The following CRCP variants were observed in gnomAD, a reference collection of about 807,000 sequenced individuals.
The protein encoded by CRCP is DNA-directed RNA polymerase III subunit RPC9.
In CRCP, 18 loss-of-function variants were observed where a neutral mutation model predicts 18.5. That is an observed-to-expected ratio of 0.97 (90% CI 0.67 to 1.44). CRCP has a LOEUF of 1.44. Ranked by LOEUF, CRCP falls within the 40% of genes most tolerant of loss-of-function variation. CRCP has a pLI of 0.00. For synonymous variants in CRCP, 53 were observed against 62.9 expected (o/e 0.84, Z 0.75); for missense variants, 130 against 176.4 (o/e 0.74, Z 1.49).
At chr7:66,124,551 T>C (rs1051932097) in intron 1 of CRCP, among the ~76,000 whole-genome samples, 1 of 147,092 alleles carries the variant, frequency 6.8e-6, no homozygotes, top group Non-Finnish European at 1.5e-5. Context: ...TTCCTTCCTT[T>C]CTTTCTTCCT....
Position 66,152,856 on chromosome 7 carries a change from TAAGAA to T in CRCP, c.*505_*509del, listed in dbSNP as rs1788516195. On this transcript the variant is annotated 3_prime_UTR_variant, in exon 6 of 6. Coordinates refer to ENST00000395326, the MANE Select transcript of CRCP (RefSeq NM_014478.5). ...GGAATTTCCTCGAGAACAACAGAGA[TAAGAA>T]AAGAACCGGCCTGGCCAATCCTTCA... The T allele has an allele frequency of 6.5e-6, 1 of 154,906 alleles. No homozygotes were observed. The highest frequency in any genetic ancestry group is 2.0e-4 in the South Asian group (1 of 5,016). 9.6% of individuals were successfully genotyped at this position (154,906 alleles called of 1,614,324 possible).
chr7:66,121,111 G>A (rs1360203168), intron 1 of CRCP, among the ~76,000 whole-genome samples: 1 of 150,568 alleles, frequency 6.6e-6, no homozygotes, highest in African/African-American at 2.4e-5. Context: ...TTTCGCTCTT[G>A]TCACCCAGGC....
chr7:66,126,726 T>A, intron 1 of CRCP: 1 of 380,030 alleles, frequency 2.6e-6, no homozygotes, highest in Non-Finnish European at 5.3e-6. Flanking sequence ...AGGTAGGAGT[T>A]GCTGGTGGTA....
intron 1 of CRCP, among the ~76,000 whole-genome samples, chr7:66,117,157 C>G (rs1050802127): frequency 6.7e-6 from 1 of 150,204 alleles, no homozygotes; most frequent in African/African-American, 2.4e-5. Flanking sequence ...TCCATCTTGT[C>G]AAATTCAGAG....
intron 2 of CRCP, 114 bp downstream of exon 2, chr7:66,127,854 C>A: frequency 6.0e-6 from 7 of 1,166,288 alleles, no homozygotes; most frequent in Non-Finnish European, 8.9e-6. Context: ...TGGTTCACGC[C>A]TGTAATCCCA....
intron 4 of CRCP, among the ~76,000 whole-genome samples, chr7:66,142,167 T>C (rs1788160384): frequency 6.6e-6 from 1 of 152,156 alleles, no homozygotes; most frequent in South Asian, 2.1e-4. Context: ...TCCTTTCCGA[T>C]TGGCTGCTGG....
intron 4 of CRCP, among the ~76,000 whole-genome samples, chr7:66,138,482 C>A (rs1458393260): frequency 6.6e-6 from 1 of 151,902 alleles, no homozygotes; most frequent in Non-Finnish European, 1.5e-5. Flanking sequence ...TCCCCCTCTA[C>A]TCCTACTGCT....
chr7:66,123,749 CAAAA>C, intron 1 of CRCP, among the ~76,000 whole-genome samples: 1 of 138,572 alleles, frequency 7.2e-6, no homozygotes, highest in African/African-American at 2.7e-5. Context: ...ACTCTTGTCT[CAAAA>C]AAAAAAAAAG....
At position 66,153,155 on chromosome 7, in the gene CRCP, T is replaced by G. The variant is rs1264138081; in HGVS notation, c.*798T>G. 6.6e-6 allele frequency: 1 copy of G among 152,668 alleles called. No homozygotes were observed. Among genetic ancestry groups the G allele is most frequent in the Non-Finnish European group, 1.5e-5 (1 of 68,070 alleles). 9.5% of individuals were successfully genotyped at this position (152,668 alleles called of 1,614,324 possible). A position where few individuals can be genotyped will look rare whatever the true frequency, so the allele number is the denominator to read the frequency against. ...TTTGTTCCTTTAAAAAGGACACAATTAGCCTGGCACGGTGACTCATGCTTG... is the reference window on the plus strand; with the variant it reads ...TTTGTTCCTTTAAAAAGGACACAATGAGCCTGGCACGGTGACTCATGCTTG... On this transcript the variant is annotated 3_prime_UTR_variant, in exon 6 of 6. Coordinates refer to ENST00000395326, the MANE Select transcript of CRCP (RefSeq NM_014478.5).
In CRCP at chr7:66,117,117, C is replaced by CAAA. The variant is rs34224463; in HGVS notation, c.8+2165_8+2167dup. 5.1e-4 allele frequency among the ~76,000 whole-genome samples: 41 copies of CAAA among 81,136 alleles called. No individual in the cohort carries two copies. In the East Asian group the frequency reaches 0.01, roughly 20 times the overall value. The allele number at this position is 81,136 out of a possible 152,430, so 53.2% of individuals were successfully genotyped here. A position where few individuals can be genotyped will look rare whatever the true frequency, so the allele number is the denominator to read the frequency against. Reference sequence around the variant, plus strand: ...CCTAGGTGACAGGGCAAGACTGTCTCAAAAAAAAAAAAAAAAAAAACCTGA... The same window carrying CAAA: ...CCTAGGTGACAGGGCAAGACTGTCTCAAAAAAAAAAAAAAAAAAAAAAACCTGA... On this transcript the variant is annotated intron_variant, in intron 1 of 5. Coordinates refer to ENST00000395326, the MANE Select transcript of CRCP (RefSeq NM_014478.5).
chr7:66,127,685 G>C lies in CRCP; in HGVS notation c.9-19G>C, dbSNP rs1787656355. The C allele has an allele frequency of 5.0e-6, 8 of 1,614,040 alleles. No homozygotes were observed. Among genetic ancestry groups the C allele is most frequent in the Non-Finnish European group, 6.8e-6 (8 of 1,179,948 alleles). ...GGGGTGTGAGCCCAGACTGATGATA[G>C]CTTACTTTTCTTTTTCAGGAAGGAT... is the stretch of plus-strand genomic sequence containing the variant. On this transcript the variant is annotated intron_variant, in intron 1 of 5. Coordinates refer to ENST00000395326, the MANE Select transcript of CRCP (RefSeq NM_014478.5).
At chr7:66,142,568 A>G (rs1348040815) in intron 4 of CRCP, among the ~76,000 whole-genome samples, 5 of 152,160 alleles carry the variant, frequency 3.3e-5, no homozygotes, top group Admixed American at 1.3e-4. Context: ...ATCATAGCTC[A>G]CTGAAGCCTC....
chr7:66,118,005 A>T (rs1293326533), intron 1 of CRCP, among the ~76,000 whole-genome samples: 1 of 152,002 alleles, frequency 6.6e-6, no homozygotes, highest in Non-Finnish European at 1.5e-5. Flanking sequence ...TTTGAGATGG[A>T]GTCTTGCTCT....
intron 4 of CRCP, among the ~76,000 whole-genome samples, chr7:66,139,120 C>A (rs62465472): frequency 6.6e-6 from 1 of 151,612 alleles, no homozygotes; most frequent in South Asian, 2.1e-4. Context: ...CTTTTTTTTC[C>A]TGTCTCTTTT....
intron 4 of CRCP, among the ~76,000 whole-genome samples, chr7:66,142,339 C>T (rs1788165262): frequency 6.6e-6 from 1 of 152,190 alleles, no homozygotes; most frequent in Non-Finnish European, 1.5e-5. Flanking sequence ...ACCCTCCCTC[C>T]TTCGGCTGGA....
chr7:66,141,249 T>G (rs1235661272), intron 4 of CRCP, among the ~76,000 whole-genome samples: 1 of 152,224 alleles, frequency 6.6e-6, no homozygotes, highest in East Asian at 1.9e-4. Context: ...GTAGTTATTT[T>G]TAAATGTACA....
Position 66,130,804 on chromosome 7 carries a change from A to G in CRCP, c.106A>G (p.Ser36Gly), listed in dbSNP as rs1025219645. 13 of 1,608,928 alleles carry G rather than the reference A, an allele frequency of 8.1e-6. No individual in the cohort carries two copies. The highest frequency in any genetic ancestry group is 1.1e-5 in the Non-Finnish European group (13 of 1,175,598). Reference sequence around the variant, plus strand: ...TAAAGAAAGTGGAAAGAATAAACACAGCTCTGGGCAACAGAACTTGAACAC... The same window carrying G: ...TAAAGAAAGTGGAAAGAATAAACACGGCTCTGGGCAACAGAACTTGAACAC... ...QRKESGKNKHSSGQQNLNTIT... is the reference protein window; with the variant it reads ...QRKESGKNKHGSGQQNLNTIT... The change falls in exon 3 of 6, where the codon AGC becomes GGC. Residue 36 changes from serine (S) to glycine (G), a missense_variant. Physicochemically the swap from Ser to Gly is moderately conservative, Grantham distance 56 (BLOSUM62 0). Transcript: ENST00000395326.
At chr7:66,131,184 C>T (rs1787792302) in intron 3 of CRCP, among the ~76,000 whole-genome samples, 1 of 152,092 alleles carries the variant, frequency 6.6e-6, no homozygotes, top group African/African-American at 2.4e-5. Context: ...CCATGTTAGC[C>T]AGGATGGTCT....
intron 1 of CRCP, among the ~76,000 whole-genome samples, chr7:66,117,073 T>C (rs1466896738): frequency 3.3e-5 from 5 of 149,844 alleles, no homozygotes; most frequent in Admixed American, 1.3e-4. Context: ...GTGAACCAAA[T>C]TGTGCCACTG....
Sources: gnomAD v4.1 joint callset for allele counts (sites outside exome capture counted in the v4.1 genomes callset) on GRCh38, gnomAD v4.1.1 for gene constraint, MANE v1.5 for transcripts, NCBI Gene and HGNC (gene_info 2026-07-23, HGNC 2026-07-21) for gene names.